The following SPIDR variants were observed in gnomAD, a reference collection of about 807,000 sequenced individuals.
SPIDR encodes scaffold protein involved in DNA repair.
In SPIDR, 93 loss-of-function variants were observed where a neutral mutation model predicts 104.6. The observed-to-expected ratio is 0.89, with a 90% CI of 0.75 to 1.06. The LOEUF is 1.06. Among genes scored for constraint, SPIDR ranks in the 50% least tolerant of loss-of-function variants. The pLI is 0.00. For missense variants in SPIDR, 1,154 were observed against 1,111.2 expected, an observed-to-expected ratio of 1.04 and a Z score of -0.55; for synonymous variants, 431 against 416.9, an observed-to-expected ratio of 1.03 and a Z score of -0.41.
In SPIDR at chr8:47,728,943, T is replaced by A. The variant is rs767427681; in HGVS notation, c.2446T>A (p.Ser816Thr). Reference protein sequence around the residue: ...EQRPEDRGAFSCGDCSRVVTS... With the variant: ...EQRPEDRGAFTCGDCSRVVTS... ...CTTTTCATATACCAGAGGCGCCTTTTCCTGTGGGGACTGCTCCCGGGTGGT... is the reference window on the plus strand; with the variant it reads ...CTTTTCATATACCAGAGGCGCCTTTACCTGTGGGGACTGCTCCCGGGTGGT... Residue 816 changes from serine to threonine, a missense_variant, in exon 18 of 20, where the codon TCC becomes ACC. Physicochemically the swap from Ser to Thr is moderately conservative, Grantham distance 58 (BLOSUM62 1). Coordinates refer to ENST00000297423, the MANE Select transcript of SPIDR (RefSeq NM_001080394.4). 29 of 1,610,462 alleles carry A rather than the reference T, an allele frequency of 1.8e-5. No homozygotes were observed. The highest frequency in any genetic ancestry group is 2.5e-5 in the Non-Finnish European group (29 of 1,178,656).
chr8:47,381,154 G>A (rs2059280127), intron 5 of SPIDR, among the ~76,000 whole-genome samples: 1 of 152,184 alleles, frequency 6.6e-6, no homozygotes, highest in Admixed American at 6.5e-5. Flanking sequence ...TGTGGATAAA[G>A]ACTTTGGGTC....
rs79918303 is a variant in SPIDR at position 47,685,509 on chromosome 8, A to ATTTTTTTTTTTTT, written c.1685+11571_1685+11572insTTTTTTTTTTTTT. On this transcript the variant is annotated intron_variant, in intron 11 of 19. Transcript: ENST00000297423. ...TATTTATTTATTTATTTATTTATTTATTTATTTATTTTTTTGAGACAGTCT... is the reference window on the plus strand; with the variant it reads ...TATTTATTTATTTATTTATTTATTTATTTTTTTTTTTTTTTTATTTATTTTTTTGAGACAGTCT... 3.5e-4 allele frequency among the ~76,000 whole-genome samples: 37 copies of ATTTTTTTTTTTTT among 106,950 alleles called. 3 individuals carry two copies. The highest frequency in any genetic ancestry group is 7.1e-4 in the Admixed American group (7 of 9,868). 70.2% of individuals were successfully genotyped at this position (106,950 alleles called of 152,430 possible).
At chr8:47,325,947 C>CT (rs1343868897) in intron 5 of SPIDR, among the ~76,000 whole-genome samples, 3 of 152,180 alleles carry the variant, frequency 2.0e-5, no homozygotes, top group Non-Finnish European at 4.4e-5. Flanking sequence ...CTTGACTGTC[C>CT]TTTCTTTTGA....
intron 8 of SPIDR, among the ~76,000 whole-genome samples, chr8:47,537,602 C>T (rs2087144454): frequency 6.6e-6 from 1 of 152,122 alleles, no homozygotes; most frequent in Admixed American, 6.6e-5. Context: ...AGCAGTGAAA[C>T]TTCTGTATGA....
chr8:47,412,437 T>C (rs1022411414), intron 7 of SPIDR, among the ~76,000 whole-genome samples: 3 of 152,210 alleles, frequency 2.0e-5, no homozygotes, highest in African/African-American at 7.2e-5. Flanking sequence ...CTGGCGGTCA[T>C]TCTCTGTGTG....
intron 10 of SPIDR, among the ~76,000 whole-genome samples, chr8:47,661,661 A>G (rs1251425883): frequency 6.6e-6 from 1 of 152,242 alleles, no homozygotes; most frequent in Non-Finnish European, 1.5e-5. Flanking sequence ...GCAGAGCACA[A>G]CCACACACAG....
chr8:47,658,715 G>T (rs1252057760), intron 10 of SPIDR, among the ~76,000 whole-genome samples: 1 of 151,734 alleles, frequency 6.6e-6, no homozygotes, highest in Non-Finnish European at 1.5e-5. Flanking sequence ...CCAGTGGATC[G>T]CCTGAGGTCA....
intron 8 of SPIDR, among the ~76,000 whole-genome samples, chr8:47,531,014 G>A (rs982644211): frequency 2.6e-5 from 4 of 151,716 alleles, no homozygotes; most frequent in Non-Finnish European, 5.9e-5. Flanking sequence ...GGGCACAAGC[G>A]ACCCTCCCAC....
At chr8:47,375,060 TC>T in intron 5 of SPIDR, among the ~76,000 whole-genome samples, 1 of 151,364 alleles carries the variant, frequency 6.6e-6, no homozygotes. Context: ...GTCCACCTCT[TC>T]CCCCAAAAAA....
Position 47,702,018 on chromosome 8 carries a change from A to G in SPIDR, c.1977+3A>G, listed in dbSNP as rs752535331. The G allele has an allele frequency of 3.1e-6, 5 of 1,606,836 alleles. No homozygotes were observed. Among genetic ancestry groups the G allele is most frequent in the South Asian group, 1.1e-5 (1 of 90,716 alleles). ...CGGTGATTTACCAAAAACCACAGGT[A>G]ATAATCTCTCTCAATCTCTCAATCT... On this transcript the variant is annotated splice_donor_region_variant and intron_variant, in intron 14 of 19. Coordinates refer to ENST00000297423, the MANE Select transcript of SPIDR (RefSeq NM_001080394.4).
chr8:47,511,376 C>G, intron 8 of SPIDR: 2 of 958,568 alleles, frequency 2.1e-6, no homozygotes, highest in Non-Finnish European at 3.4e-6. Flanking sequence ...GGTGTCTGAC[C>G]CTCGCCAGTG....
chr8:47,331,428 G>C (rs1554604369), intron 5 of SPIDR, among the ~76,000 whole-genome samples: 1 of 152,072 alleles, frequency 6.6e-6, no homozygotes, highest in African/African-American at 2.4e-5. Flanking sequence ...GCATTTTACT[G>C]TACTGGATAC....
At position 47,454,240 on chromosome 8, in the gene SPIDR, A is replaced by T. The variant is rs531655024; in HGVS notation, c.1097+13698A>T. ...TTGGAACCAACCCAAATGTCCATCA[A>T]TAATATACTGGATTAAGAAAATGTG... On this transcript the variant is annotated intron_variant, in intron 8 of 19. Transcript: ENST00000297423. Among the ~76,000 whole-genome samples the T allele has an allele frequency of 4.8e-4, 73 of 152,328 alleles. No homozygotes were observed. In the South Asian group the frequency reaches 0.015, roughly 32 times the overall value.
chr8:47,477,325 T>C (rs1207652150), intron 8 of SPIDR, among the ~76,000 whole-genome samples: 1 of 152,054 alleles, frequency 6.6e-6, no homozygotes, highest in African/African-American at 2.4e-5. Flanking sequence ...GCCCCCTGAG[T>C]AACTGGGATT....
intron 8 of SPIDR, among the ~76,000 whole-genome samples, chr8:47,553,712 G>T (rs926167784): frequency 6.6e-6 from 1 of 152,132 alleles, no homozygotes; most frequent in Non-Finnish European, 1.5e-5. Context: ...GCTCGGAGAA[G>T]TTTGTTGTTA....
At chr8:47,704,931 G>C (rs2080857375) in intron 14 of SPIDR, among the ~76,000 whole-genome samples, 1 of 152,204 alleles carries the variant, frequency 6.6e-6, no homozygotes, top group African/African-American at 2.4e-5. Flanking sequence ...TACCTTGAGA[G>C]GGGTCAGTGT....
chr8:47,467,407 CAAA>C (rs1409649070), intron 8 of SPIDR, among the ~76,000 whole-genome samples: 1 of 151,956 alleles, frequency 6.6e-6, no homozygotes, highest in African/African-American at 2.4e-5. Flanking sequence ...ACAGACACAA[CAAA>C]AAAGAAAACT....
chr8:47,609,490 A>G (rs552377149), intron 10 of SPIDR, among the ~76,000 whole-genome samples: 1 of 150,578 alleles, frequency 6.6e-6, no homozygotes, highest in Non-Finnish European at 1.5e-5. Flanking sequence ...AGTAGTCTTT[A>G]TATTTTATTT....
At chr8:47,313,787 G>C (rs1402483301) in intron 5 of SPIDR, among the ~76,000 whole-genome samples, 4 of 152,122 alleles carry the variant, frequency 2.6e-5, no homozygotes, top group Non-Finnish European at 4.4e-5. Flanking sequence ...ATCTTTGACA[G>C]ACCTGACTTC....
Sources: gnomAD v4.1 joint callset for allele counts (sites outside exome capture counted in the v4.1 genomes callset) on GRCh38, gnomAD v4.1.1 for gene constraint, MANE v1.5 for transcripts, NCBI Gene and HGNC (gene_info 2026-07-23, HGNC 2026-07-21) for gene names.